IER3IP1: variants seen among roughly 807,000 people sequenced by gnomAD.
The protein encoded by IER3IP1 is immediate early response 3-interacting protein 1.
A neutral mutation model predicts 12.2 loss-of-function variants in IER3IP1; 16 were observed. The observed-to-expected ratio is 1.31, with a 90% CI of 0.89 to 1.99. The LOEUF is 1.99. IER3IP1 is among the 30% of genes most tolerant of loss of function. The pLI, the probability that IER3IP1 is intolerant of heterozygous loss-of-function variation, is 0.00. For synonymous variants in IER3IP1, 42 were observed against 40.0 expected, an observed-to-expected ratio of 1.05 and a Z score of -0.19; for missense variants, 95 against 95.8, an observed-to-expected ratio of 0.99 and a Z score of 0.03.
At chr18:47,157,358 G>A (rs2063964536) in intron 2 of IER3IP1, 78 bp downstream of exon 2, 5 of 1,159,064 alleles carry the variant, frequency 4.3e-6, no homozygotes, top group African/African-American at 1.5e-5. Flanking sequence ...TGGCATATAT[G>A]GTATTCACAC....
chr18:47,167,333 G>A (rs1444221175), intron 1 of IER3IP1, among the ~76,000 whole-genome samples: 1 of 152,174 alleles, frequency 6.6e-6, no homozygotes, highest in Non-Finnish European at 1.5e-5. Flanking sequence ...TTACAGGCAT[G>A]AGCCAATGCA....
Position 47,153,391 on chromosome 18 carries a change from G to C in IER3IP1, c.*2786C>G, listed in dbSNP as rs1426439492. 1 of 151,660 alleles carries C rather than the reference G, an allele frequency of 6.6e-6. No individual in the cohort carries two copies. The highest frequency in any genetic ancestry group is 2.4e-5 in the African/African-American group (1 of 41,262). The allele number at this position is 151,660 out of a possible 1,614,324, so 9.4% of individuals were successfully genotyped here. On this transcript the variant is annotated 3_prime_UTR_variant, in exon 3 of 3. Coordinates refer to ENST00000256433, the MANE Select transcript of IER3IP1 (RefSeq NM_016097.5). Reference sequence around the variant, plus strand: ...CCCCCTCCCACCCTCCCTAAAGCAGGGATTTTATTTTTTTATATTTTTACT... The same window carrying C: ...CCCCCTCCCACCCTCCCTAAAGCAGCGATTTTATTTTTTTATATTTTTACT...
In IER3IP1 at chr18:47,153,995, C is replaced by T. The variant is rs1254655910; in HGVS notation, c.*2182G>A. Reference sequence around the variant, plus strand: ...GTTAACTATAAAAGTTTGAAAACCACTGTACTTGATTAGCGATGAATTTGG... The same window carrying T: ...GTTAACTATAAAAGTTTGAAAACCATTGTACTTGATTAGCGATGAATTTGG... On this transcript the variant is annotated 3_prime_UTR_variant, in exon 3 of 3. Transcript: ENST00000256433. 5 of 152,244 alleles carry T rather than the reference C, an allele frequency of 3.3e-5. No homozygotes were observed. Among genetic ancestry groups the T allele is most frequent in the Non-Finnish European group, 7.3e-5 (5 of 68,052 alleles). The allele number at this position is 152,244 out of a possible 1,614,324, so 9.4% of individuals were successfully genotyped here.
chr18:47,176,114 C>G (rs959365333), intron 1 of IER3IP1, 73 bp downstream of exon 1: 122 of 1,236,180 alleles, frequency 9.9e-5, no homozygotes, highest in Non-Finnish European at 1.3e-4. Flanking sequence ...TGTCCCCTCA[C>G]GCGGCCCCAT....
At chr18:47,174,289 T>G (rs753374861) in intron 1 of IER3IP1, among the ~76,000 whole-genome samples, 7 of 152,202 alleles carry the variant, frequency 4.6e-5, no homozygotes, top group Non-Finnish European at 7.3e-5. Flanking sequence ...CTCATAGAGT[T>G]GCTGTGAAGG....
intron 1 of IER3IP1, among the ~76,000 whole-genome samples, chr18:47,158,313 G>C (rs532733200): frequency 6.6e-6 from 1 of 151,862 alleles, no homozygotes; most frequent in Non-Finnish European, 1.5e-5. Context: ...CACTGCATTC[G>C]GCCTAAGTAT....
rs115821728 is a variant in IER3IP1 at position 47,167,421 on chromosome 18, C to T, written c.91+8766G>A. 4.2e-3 allele frequency among the ~76,000 whole-genome samples: 637 copies of T among 152,342 alleles called. 4 individuals are homozygous for T. Among genetic ancestry groups the T allele is most frequent in the African/African-American group, 0.015 (624 of 41,570 alleles). ...CTGCACAAATTTTGGAAAATACACA[C>T]TACTGAACTTCACTTTAAAAATCTG... On this transcript the variant is annotated intron_variant, in intron 1 of 2. Transcript: ENST00000256433.
intron 1 of IER3IP1, among the ~76,000 whole-genome samples, chr18:47,164,376 G>A (rs529761943): frequency 3.3e-5 from 5 of 151,944 alleles, no homozygotes; most frequent in Admixed American, 6.6e-5. Context: ...AAAAGATCAG[G>A]GGCCAGGGAT....
Position 47,176,209 on chromosome 18 carries a change from G to T in IER3IP1, c.69C>A (p.His23Gln). The change falls in exon 1 of 3, where the codon CAC (histidine) becomes CAA (glutamine). Residue 23 changes from histidine (H) to glutamine (Q), a missense_variant. By Grantham distance (24) the His-to-Gln change is conservative. Transcript: ENST00000256433. ...CACTGTTCTTGAGGAATCGCTCCTC[G>T]TGCAGCACTGCGATGGCGTTGACGC... Reference protein sequence around the residue: ...LLCVNAIAVLHEERFLKNIGW... With the variant: ...LLCVNAIAVLQEERFLKNIGW... The T allele has an allele frequency of 6.2e-7, 1 of 1,604,182 alleles. No individual in the cohort carries two copies. The highest frequency in any genetic ancestry group is 1.1e-5 in the South Asian group (1 of 89,326).
intron 1 of IER3IP1, among the ~76,000 whole-genome samples, chr18:47,158,077 A>G (rs2063967280): frequency 6.6e-6 from 1 of 152,232 alleles, no homozygotes; most frequent in Non-Finnish European, 1.5e-5. Flanking sequence ...ACACCAGGAT[A>G]CCAAATCTTG....
At chr18:47,170,639 CCTT>C (rs2064012342) in intron 1 of IER3IP1, among the ~76,000 whole-genome samples, 2 of 152,000 alleles carry the variant, frequency 1.3e-5, no homozygotes, top group South Asian at 2.1e-4. Flanking sequence ...AGTATTTCAT[CCTT>C]CTTAATATTG....
chr18:47,168,513 G>A (rs1186147501), intron 1 of IER3IP1, among the ~76,000 whole-genome samples: 1 of 152,044 alleles, frequency 6.6e-6, no homozygotes, highest in African/African-American at 2.4e-5. Flanking sequence ...TTAGGTAAAG[G>A]AATTATCCAA....
Position 47,171,573 on chromosome 18 carries a change from G to C in IER3IP1, c.91+4614C>G, listed in dbSNP as rs113563963. On this transcript the variant is annotated intron_variant, in intron 1 of 2. Coordinates refer to ENST00000256433, the MANE Select transcript of IER3IP1 (RefSeq NM_016097.5). ...CTATTCGGATTTCCCATTTACTTGA[G>C]TCTAGTCAGTCTAGCTAAAGACTTG... Among the ~76,000 whole-genome samples the C allele has an allele frequency of 3.9e-5, 6 of 152,300 alleles. 1 individual carries two copies. The highest frequency in any genetic ancestry group is 1.4e-4 in the African/African-American group (6 of 41,574).
intron 1 of IER3IP1, among the ~76,000 whole-genome samples, chr18:47,166,134 ACAT>A (rs1263782398): frequency 6.6e-6 from 1 of 152,242 alleles, no homozygotes; most frequent in African/African-American, 2.4e-5. Context: ...AAGGAAATTA[ACAT>A]CATTGTGGAA....
chr18:47,176,091 TCCCGGC>T, intron 1 of IER3IP1, 90 bp downstream of exon 1: 3 of 996,844 alleles, frequency 3.0e-6, no homozygotes, highest in Non-Finnish European at 4.6e-6. Context: ...TGTTCTTCTG[TCCCGGC>T]CCTTGGTGTC....
chr18:47,168,459 G>C (rs761807437), intron 1 of IER3IP1, among the ~76,000 whole-genome samples: 1 of 152,152 alleles, frequency 6.6e-6, no homozygotes, highest in African/African-American at 2.4e-5. Flanking sequence ...TCAAAACCAT[G>C]AAGGAAGATA....
rs113758635 is a variant in IER3IP1 at position 47,175,556 on chromosome 18, C to T, written c.91+631G>A. On this transcript the variant is annotated intron_variant, in intron 1 of 2. Transcript: ENST00000256433. ...TCGGCTCACTGCAACCTCTGCCTCCCAGGTTTAAGTGATTCTCCTGCCTCA... is the reference window on the plus strand; with the variant it reads ...TCGGCTCACTGCAACCTCTGCCTCCTAGGTTTAAGTGATTCTCCTGCCTCA... Among the ~76,000 whole-genome samples the T allele has an allele frequency of 4.5e-3, 690 of 152,272 alleles. 6 individuals carry two copies. Among genetic ancestry groups the T allele is most frequent in the African/African-American group, 0.015 (639 of 41,552 alleles).
In IER3IP1 at chr18:47,153,203, AG is replaced by A. The variant is rs1050256609; in HGVS notation, c.*2973del. The A allele has an allele frequency of 6.6e-6, 1 of 152,238 alleles. No homozygotes were observed. The highest frequency in any genetic ancestry group is 2.4e-5 in the African/African-American group (1 of 41,454). The allele number at this position is 152,238 out of a possible 1,614,324, so 9.4% of individuals were successfully genotyped here. ...AGCAAGGATTTTGATGGGGAGAGGA[AG>A]GTGGGGGAACTCATTTAGCTTTTTA... On this transcript the variant is annotated 3_prime_UTR_variant, in exon 3 of 3. Coordinates refer to ENST00000256433, the MANE Select transcript of IER3IP1 (RefSeq NM_016097.5).
At chr18:47,158,838 G>C (rs1049027378) in intron 1 of IER3IP1, among the ~76,000 whole-genome samples, 4 of 151,994 alleles carry the variant, frequency 2.6e-5, no homozygotes, top group Admixed American at 6.5e-5. Flanking sequence ...GCGTGCGCCT[G>C]TAGTCCCAGC....
Sources: allele counts gnomAD v4.1 joint callset (sites outside exome capture counted in the v4.1 genomes callset), GRCh38; gene constraint gnomAD v4.1.1; transcripts MANE v1.5; gene names NCBI Gene and HGNC (gene_info 2026-07-23, HGNC 2026-07-21).